The following CPNE4 variants were observed in gnomAD, a reference collection of about 807,000 sequenced individuals.
CPNE4 encodes the protein copine 4, also known as copine-4.
A neutral mutation model predicts 67.9 loss-of-function variants in CPNE4; 25 were observed. That is an observed-to-expected ratio of 0.37 (90% CI 0.27 to 0.51). CPNE4 has a LOEUF of 0.51. CPNE4 is among the 20% of genes least tolerant of loss of function. CPNE4 has a pLI of 0.93. For synonymous variants in CPNE4, 242 were observed against 244.9 expected (o/e 0.99, Z 0.11); for missense variants, 464 against 690.8 (o/e 0.67, Z 3.68).
intron 6 of CPNE4, among the ~76,000 whole-genome samples, chr3:131,683,480 G>A (rs2080807569): frequency 6.6e-6 from 1 of 152,136 alleles, no homozygotes; most frequent in South Asian, 2.1e-4. Context: ...TTCTATTGTG[G>A]CTGAGATGGT....
At chr3:131,938,542 G>T (rs1281348241) in intron 1 of CPNE4, among the ~76,000 whole-genome samples, 2 of 152,100 alleles carry the variant, frequency 1.3e-5, no homozygotes, top group African/African-American at 4.8e-5. Flanking sequence ...TTGACTCATA[G>T]TTCTGCATGG....
At chr3:131,745,846 T>C (rs181821847) in intron 2 of CPNE4, among the ~76,000 whole-genome samples, 1 of 152,272 alleles carries the variant, frequency 6.6e-6, no homozygotes, top group East Asian at 1.9e-4. Flanking sequence ...TCCACTTTAG[T>C]CTTCTTTTAC....
chr3:131,789,045 G>C (rs2083642877), intron 2 of CPNE4, among the ~76,000 whole-genome samples: 1 of 150,534 alleles, frequency 6.6e-6, no homozygotes, highest in Non-Finnish European at 1.5e-5. Flanking sequence ...CAGAGAGAGA[G>C]AGAGAGAGAG....
At chr3:131,627,517 C>A (rs546464728) in intron 7 of CPNE4, among the ~76,000 whole-genome samples, 6 of 132,030 alleles carry the variant, frequency 4.5e-5, no homozygotes, top group Non-Finnish European at 9.0e-5. Context: ...TTTGACTTTC[C>A]AGTCTTCTTA....
intron 1 of CPNE4, among the ~76,000 whole-genome samples, chr3:131,925,280 T>C (rs1008573613): frequency 5.3e-5 from 8 of 151,980 alleles, no homozygotes; most frequent in Admixed American, 1.3e-4. Flanking sequence ...AGCTCAAACA[T>C]CTGGGTGGCC....
intron 1 of CPNE4, among the ~76,000 whole-genome samples, chr3:131,965,005 A>G (rs1302107465): frequency 6.6e-6 from 1 of 152,234 alleles, no homozygotes; most frequent in Admixed American, 6.5e-5. Flanking sequence ...AGGGAAGCCC[A>G]TCAGACTAAC....
At chr3:131,642,436 T>A (rs2079563209) in intron 7 of CPNE4, among the ~76,000 whole-genome samples, 1 of 152,192 alleles carries the variant, frequency 6.6e-6, no homozygotes, top group Non-Finnish European at 1.5e-5. Context: ...ACCTTGGACC[T>A]TGAAAAGTTA....
intron 2 of CPNE4, among the ~76,000 whole-genome samples, chr3:131,857,248 C>G: frequency 6.6e-6 from 1 of 151,966 alleles, no homozygotes; most frequent in East Asian, 1.9e-4. Flanking sequence ...TAGGCCAATG[C>G]GTATCATATA....
rs1219179452 is a variant in CPNE4, at chr3:131,619,584, C to T, written c.682-32002G>A. The stretch of plus-strand genomic sequence containing the variant: ...TTACAGGATCAGAGTAGCTAAGTAA[C>T]TTTTCCAAGTTCATTGGCTTGAAAA... On this transcript the variant is annotated intron_variant, in intron 7 of 15. Coordinates refer to ENST00000429747, the MANE Select transcript of CPNE4 (RefSeq NM_130808.3). Among the ~76,000 whole-genome samples the T allele has an allele frequency of 2.6e-5, 4 of 152,264 alleles. No individual in the cohort carries two copies. In the East Asian group the frequency reaches 7.7e-4, roughly 29 times the overall value.
chr3:131,891,591 T>C (rs1427023664), intron 2 of CPNE4, among the ~76,000 whole-genome samples: 6 of 151,952 alleles, frequency 3.9e-5, no homozygotes, highest in Non-Finnish European at 8.8e-5. Flanking sequence ...CACCCTCCAA[T>C]AGCCCCCAGT....
chr3:131,984,858 A>G (rs2073003962), intron 1 of CPNE4, among the ~76,000 whole-genome samples: 2 of 152,176 alleles, frequency 1.3e-5, no homozygotes, highest in African/African-American at 2.4e-5. Context: ...CAGTAAGATT[A>G]AGCTCCAATT....
intron 2 of CPNE4, among the ~76,000 whole-genome samples, chr3:131,871,422 G>T (rs1225685281): frequency 6.6e-6 from 1 of 152,070 alleles, no homozygotes; most frequent in Admixed American, 6.6e-5. Context: ...TTTCAGCACC[G>T]AGAATGCTCT....
At chr3:131,982,201 A>T (rs919598031) in intron 1 of CPNE4, among the ~76,000 whole-genome samples, 1 of 152,222 alleles carries the variant, frequency 6.6e-6, no homozygotes, top group Non-Finnish European at 1.5e-5. Context: ...ATTTATCAAG[A>T]TAAATTGTCT....
chr3:131,695,771 C>T (rs1317840994), intron 5 of CPNE4, among the ~76,000 whole-genome samples: 4 of 152,194 alleles, frequency 2.6e-5, no homozygotes, highest in African/African-American at 9.6e-5. Flanking sequence ...CTATTCAAGA[C>T]ACTTTTAAAA....
At chr3:131,703,093 T>G (rs958993317) in intron 3 of CPNE4, among the ~76,000 whole-genome samples, 6 of 152,186 alleles carry the variant, frequency 3.9e-5, no homozygotes, top group Non-Finnish European at 8.8e-5. Context: ...GGAGCAGTGA[T>G]CTGTAGAGAA....
chr3:131,549,099 T>G (rs555447331), intron 14 of CPNE4, among the ~76,000 whole-genome samples: 1 of 152,266 alleles, frequency 6.6e-6, no homozygotes, highest in Non-Finnish European at 1.5e-5. Context: ...AGTTCCTGGA[T>G]AATTCAGAGA....
chr3:131,560,191 T>A (rs1477568571), intron 11 of CPNE4, among the ~76,000 whole-genome samples: 2 of 152,054 alleles, frequency 1.3e-5, no homozygotes, highest in Non-Finnish European at 2.9e-5. Context: ...CTGCTTTATA[T>A]CTAATCCTTA....
intron 6 of CPNE4, among the ~76,000 whole-genome samples, chr3:131,671,857 AT>A (rs2080426485): frequency 6.6e-6 from 1 of 152,092 alleles, no homozygotes; most frequent in Admixed American, 6.6e-5. Context: ...AAAATATGTA[AT>A]AAATTATTGT....
intron 2 of CPNE4, among the ~76,000 whole-genome samples, chr3:131,855,097 A>G (rs12630180): frequency 0.076 from 11,623 of 151,952 alleles, 581 homozygotes; most frequent in East Asian, 0.17. Context: ...AGGTCAGTGT[A>G]TTTCACATAA....
Sources: allele counts gnomAD v4.1 joint callset (sites outside exome capture counted in the v4.1 genomes callset), GRCh38; gene constraint gnomAD v4.1.1; transcripts MANE v1.5; gene names NCBI Gene and HGNC (gene_info 2026-07-23, HGNC 2026-07-21).